Variants in PRAG1 observed in about 807,000 individuals in gnomAD.
PRAG1 encodes the protein PEAK1 related, kinase-activating pseudokinase 1, also known as inactive tyrosine-protein kinase PRAG1.
In PRAG1, 110 loss-of-function variants were observed where a neutral mutation model predicts 95.6. The ratio of observed to expected loss-of-function variants is 1.15; its 90% CI spans 0.99 to 1.35. The LOEUF is 1.35. Ranked by LOEUF, PRAG1 falls within the 40% of genes most tolerant of loss-of-function variation. The pLI, the probability that PRAG1 is intolerant of heterozygous loss-of-function variation, is 0.00. For missense variants in PRAG1, 2,554 were observed against 1,864.7 expected (o/e 1.37, Z -6.81); for synonymous variants, 1,052 against 819.4 (o/e 1.28, Z -4.85).
chr8:8,355,220 T>G (rs983749678), intron 3 of PRAG1, among the ~76,000 whole-genome samples: 2 of 152,110 alleles, frequency 1.3e-5, no homozygotes, highest in Non-Finnish European at 2.9e-5. Context: ...GTGAAAGATA[T>G]GTATACTGAA....
chr8:8,322,588 A>G (rs1315357139), intron 5 of PRAG1, among the ~76,000 whole-genome samples: 1 of 152,138 alleles, frequency 6.6e-6, no homozygotes, highest in African/African-American at 2.4e-5. Context: ...GGCGCTGGAC[A>G]TGCCTCATGC....
chr8:8,356,001 GA>G (rs1239230177), intron 3 of PRAG1, among the ~76,000 whole-genome samples: 1 of 152,138 alleles, frequency 6.6e-6, no homozygotes, highest in Non-Finnish European at 1.5e-5. Context: ...TAGGAACTGG[GA>G]AAAAATGTTT....
At chr8:8,327,567 T>C in intron 5 of PRAG1, 143 bp downstream of exon 5, 20 of 999,748 alleles carry the variant, frequency 2.0e-5, no homozygotes, top group Middle Eastern at 3.3e-4. Context: ...GAGACTCTTA[T>C]CTTACAAGAA....
At chr8:8,345,260 G>A (rs1326779381) in intron 3 of PRAG1, among the ~76,000 whole-genome samples, 3 of 151,582 alleles carry the variant, frequency 2.0e-5, no homozygotes, top group Admixed American at 6.6e-5. Flanking sequence ...ACCAGGCATC[G>A]TGGCCCAAGC....
intron 3 of PRAG1, among the ~76,000 whole-genome samples, chr8:8,351,069 G>A (rs941163775): frequency 1.3e-5 from 2 of 152,160 alleles, no homozygotes; most frequent in African/African-American, 2.4e-5. Flanking sequence ...ACCTGGGACT[G>A]GGTAATGTAT....
intron 3 of PRAG1, among the ~76,000 whole-genome samples, chr8:8,352,138 T>C (rs1799541751): frequency 6.6e-6 from 1 of 152,212 alleles, no homozygotes; most frequent in South Asian, 2.1e-4. Context: ...ATTTCTACCC[T>C]TCTAGCTTGA....
chr8:8,326,806 T>C (rs969888127), intron 5 of PRAG1, among the ~76,000 whole-genome samples: 13 of 152,210 alleles, frequency 8.5e-5, no homozygotes, highest in Non-Finnish European at 1.8e-4. Flanking sequence ...ACCAACTAGC[T>C]ATGGGCAAAT....
intron 3 of PRAG1, among the ~76,000 whole-genome samples, chr8:8,340,936 G>A (rs1799142659): frequency 6.6e-6 from 1 of 152,178 alleles, no homozygotes; most frequent in Admixed American, 6.5e-5. Context: ...CAATTCCTTA[G>A]GAAATGCTAT....
chr8:8,348,688 C>G (rs1799425006), intron 3 of PRAG1, among the ~76,000 whole-genome samples: 1 of 152,134 alleles, frequency 6.6e-6, no homozygotes, highest in Non-Finnish European at 1.5e-5. Flanking sequence ...TTTCACTTAC[C>G]TACAAATTCC....
chr8:8,376,700 A>G lies in PRAG1; in HGVS notation c.1709T>C (p.Leu570Pro). 1.9e-6 allele frequency: 3 copies of G among 1,611,570 alleles called. No homozygotes were observed. Among genetic ancestry groups the G allele is most frequent in the Non-Finnish European group, 2.5e-6 (3 of 1,179,968 alleles). ...AGAGCTCCCATCACTAAGGTCAGCC[A>G]GCGGTGACACTGGGGGCCCTCCAGC... is the stretch of plus-strand genomic sequence containing the variant. ...PSAGGPPVSP[L>P]ADLSDGSSGG... is the part of the protein sequence containing the mutation. The change falls in exon 3 of 6, where the codon CTG (leucine) becomes CCG (proline). Residue 570 changes from leucine (L) to proline (P), a missense_variant. Physicochemically the swap from Leu to Pro is moderately conservative, Grantham distance 98. Transcript: ENST00000615670.
chr8:8,373,626 C>G (rs1339733291), intron 3 of PRAG1, among the ~76,000 whole-genome samples: 1 of 151,874 alleles, frequency 6.6e-6, no homozygotes, highest in Non-Finnish European at 1.5e-5. Context: ...ATTTTCATAT[C>G]TTTTTTGGTG....
In PRAG1 at chr8:8,319,257, A is replaced by G; in HGVS notation, c.3118T>C (p.Ser1040Pro). The change falls in exon 6 of 6, where the codon TCC becomes CCC. Residue 1040 changes from serine (S) to proline (P), a missense_variant. Coordinates refer to ENST00000615670, the MANE Select transcript of PRAG1 (RefSeq NM_001080826.3). ...TGGATGTTAAAGTGCACGGGCACGG[A>G]CGGGCTGCAGTAGGAGACTGTTTTG... ...EPKTVSYCSP[S>P]VPVHFNIQQD... is the part of the protein sequence containing the mutation. The G allele has an allele frequency of 6.5e-7, 1 of 1,538,940 alleles. No individual in the cohort carries two copies.
intron 3 of PRAG1, among the ~76,000 whole-genome samples, chr8:8,360,133 G>A (rs556187567): frequency 1.5e-4 from 23 of 152,214 alleles, no homozygotes; most frequent in South Asian, 1.2e-3. Flanking sequence ...GGTGGGACTC[G>A]AAATAGAAAA....
chr8:8,317,879 T>C lies in PRAG1; in HGVS notation c.*275A>G, dbSNP rs1798324892. ...CTGCATTCAGTTCACAGAACTGTCC[T>C]CAGGACGTTGCATGGAACTGGAAAT... On this transcript the variant is annotated 3_prime_UTR_variant, in exon 6 of 6. Transcript: ENST00000615670. The C allele has an allele frequency of 2.0e-5, 5 of 252,694 alleles. No homozygotes were observed. The highest frequency in any genetic ancestry group is 2.9e-5 in the Non-Finnish European group (4 of 137,168). The allele number at this position is 252,694 out of a possible 1,614,324, so 15.7% of individuals were successfully genotyped here.
Position 8,377,006 on chromosome 8 carries a change from G to T in PRAG1, c.1403C>A (p.Pro468His). ...GWGRDSPDPTPQVSATITVMA... is the reference protein window; with the variant it reads ...GWGRDSPDPTHQVSATITVMA... ...GACTGTGATGGTGGCTGACACCTGG[G>T]GAGTTGGGTCTGGGCTGTCCCGGCC... Residue 468 changes from proline (P) to histidine (H), a missense_variant, in exon 3 of 6, where the codon CCC becomes CAC. Transcript: ENST00000615670. The T allele has an allele frequency of 6.2e-7, 1 of 1,613,870 alleles. No homozygotes were observed. The highest frequency in any genetic ancestry group is 8.5e-7 in the Non-Finnish European group (1 of 1,179,976).
At chr8:8,367,134 G>C (rs1296231948) in intron 3 of PRAG1, among the ~76,000 whole-genome samples, 1 of 152,012 alleles carries the variant, frequency 6.6e-6, no homozygotes, top group Non-Finnish European at 1.5e-5. Flanking sequence ...GATCAGAATT[G>C]GCATGGAGGA....
Position 8,376,435 on chromosome 8 carries a change from G to T in PRAG1, c.1974C>A (p.Thr658=), listed in dbSNP as rs1260420592. 1.2e-6 allele frequency: 2 copies of T among 1,614,114 alleles called. No individual in the cohort carries two copies. The highest frequency in any genetic ancestry group is 1.1e-5 in the South Asian group (1 of 91,082). The change falls in exon 3 of 6, where the codon ACC becomes ACA. Residue 658 remains threonine, a synonymous_variant. Transcript: ENST00000615670. ...ELLSHSWGRE[T]KNGPTDHSNS... ...TTGAATGGTCCGTGGGGCCATTTTTGGTCTCTCTTCCCCAGCTGTGACTCA... is the reference window on the plus strand; with the variant it reads ...TTGAATGGTCCGTGGGGCCATTTTTTGTCTCTCTTCCCCAGCTGTGACTCA...
At chr8:8,370,354 G>A (rs543423958) in intron 3 of PRAG1, among the ~76,000 whole-genome samples, 6 of 152,226 alleles carry the variant, frequency 3.9e-5, no homozygotes, top group African/African-American at 1.4e-4. Context: ...CAAACTCTGT[G>A]TATCTGTGGG....
rs766379432 is a variant in PRAG1 at position 8,327,911 on chromosome 8, TC to T, written c.2870del (p.Gly957AspfsTer11). On this transcript the variant is annotated frameshift_variant, in exon 5 of 6. Coordinates refer to ENST00000615670, the MANE Select transcript of PRAG1 (RefSeq NM_001080826.3). LOFTEE classifies it high-confidence loss of function. ...GGCGGGCCAGGGACTGGGTGTAGAGTCCCCCCAGCTTGGCATAGGTGCCCTC... is the reference window on the plus strand; with the variant it reads ...GGCGGGCCAGGGACTGGGTGTAGAGTCCCCCAGCTTGGCATAGGTGCCCTC... ...SKEGTYAKLGGLYTQSLARLV... is the reference protein window; with the variant it reads ...SKEGTYAKLGXLYTQSLARLV... 3 of 1,613,500 alleles carry T rather than the reference TC, an allele frequency of 1.9e-6. No individual in the cohort carries two copies. The highest frequency in any genetic ancestry group is 2.2e-5 in the South Asian group (2 of 91,040).
Sources: allele counts gnomAD v4.1 joint callset (sites outside exome capture counted in the v4.1 genomes callset), GRCh38; gene constraint gnomAD v4.1.1; transcripts MANE v1.5; gene names NCBI Gene and HGNC (gene_info 2026-07-23, HGNC 2026-07-21).